Variants in ACTN2 observed in about 807,000 individuals in gnomAD.
The protein encoded by ACTN2 is alpha-actinin-2.
In ACTN2, 39 loss-of-function variants were observed where a neutral mutation model predicts 113.8. That is an observed-to-expected ratio of 0.34 (90% CI 0.27 to 0.45). ACTN2 has a LOEUF of 0.45. ACTN2 is among the 20% of genes least tolerant of loss of function. The pLI, the probability that ACTN2 is intolerant of heterozygous loss-of-function variation, is 1.00. For missense variants in ACTN2, 992 were observed against 1,177.9 expected (o/e 0.84, Z 2.31); for synonymous variants, 429 against 444.1 (o/e 0.97, Z 0.43).
intron 1 of ACTN2, among the ~76,000 whole-genome samples, chr1:236,697,304 C>T (rs1657535629): frequency 6.6e-6 from 1 of 151,978 alleles, no homozygotes; most frequent in South Asian, 2.1e-4. Context: ...CCAGCCTGGG[C>T]AACAGAGCAA....
At chr1:236,712,398 C>T (rs541547757) in intron 1 of ACTN2, among the ~76,000 whole-genome samples, 1 of 152,266 alleles carries the variant, frequency 6.6e-6, no homozygotes, top group South Asian at 2.1e-4. Flanking sequence ...TTAGTCACCA[C>T]CTTTGTTGAC....
Position 236,763,948 on chromosome 1 carries a change from A to G in ACTN2, c.*1329A>G, listed in dbSNP as rs1162660853. On this transcript the variant is annotated 3_prime_UTR_variant, in exon 21 of 21. Transcript: ENST00000366578. The stretch of plus-strand genomic sequence containing the variant: ...AGAATAAAGCAGGAATTCTTTTTAT[A>G]TCTGAGTCCTTAATGATCAGGAAAT... 1 of 152,196 alleles carries G rather than the reference A, an allele frequency of 6.6e-6. No homozygotes were observed. The highest frequency in any genetic ancestry group is 2.4e-5 in the African/African-American group (1 of 41,458). 9.4% of individuals were successfully genotyped at this position (152,196 alleles called of 1,614,324 possible).
intron 5 of ACTN2, among the ~76,000 whole-genome samples, chr1:236,726,513 A>G (rs544365559): frequency 6.6e-6 from 1 of 152,320 alleles, no homozygotes; most frequent in South Asian, 2.1e-4. Context: ...AATGAGATGA[A>G]TGAAATCTCG....
At chr1:236,732,050 C>T (rs1341124593) in intron 7 of ACTN2, among the ~76,000 whole-genome samples, 4 of 152,110 alleles carry the variant, frequency 2.6e-5, no homozygotes, top group African/African-American at 4.8e-5. Context: ...TTACTTTGTT[C>T]GTTATTGTAA....
chr1:236,716,670 A>G (rs1186107878), intron 1 of ACTN2, among the ~76,000 whole-genome samples: 1 of 151,830 alleles, frequency 6.6e-6, no homozygotes, highest in African/African-American at 2.4e-5. Context: ...TTTTTCAATG[A>G]TAGACTATAC....
chr1:236,732,445 A>ATTTTTTAT (rs1553301591), intron 7 of ACTN2, among the ~76,000 whole-genome samples: 3 of 147,656 alleles, frequency 2.0e-5, no homozygotes, highest in African/African-American at 7.5e-5. Context: ...TTTATTTTTT[A>ATTTTTTAT]TTTTTTATTT....
At chr1:236,695,507 T>C (rs1657463683) in intron 1 of ACTN2, among the ~76,000 whole-genome samples, 1 of 151,626 alleles carries the variant, frequency 6.6e-6, no homozygotes, top group South Asian at 2.1e-4. Flanking sequence ...TAATAAAATT[T>C]GTCACCATAT....
intron 11 of ACTN2, among the ~76,000 whole-genome samples, chr1:236,743,550 T>C (rs544704883): frequency 1.3e-4 from 20 of 151,652 alleles, no homozygotes; most frequent in African/African-American, 4.1e-4. Context: ...CCGGTTTCCA[T>C]AGACATAAGA....
chr1:236,749,327 A>G (rs1659328184), intron 14 of ACTN2, 63 bp downstream of exon 14: 1 of 1,600,524 alleles, frequency 6.2e-7, no homozygotes, highest in Admixed American at 1.7e-5. Context: ...TAAACTTAAG[A>G]GTCCTGTTAT....
intron 15 of ACTN2, 101 bp from the exon 16 acceptor site, chr1:236,753,846 T>TCCCC: frequency 7.7e-7 from 1 of 1,303,058 alleles, no homozygotes; most frequent in Non-Finnish European, 1.1e-6. Flanking sequence ...TTTCTCCTTC[T>TCCCC]CCACTCCCAC....
chr1:236,721,525 A>C (rs1323878529), intron 4 of ACTN2, among the ~76,000 whole-genome samples: 1 of 152,218 alleles, frequency 6.6e-6, no homozygotes, highest in Non-Finnish European at 1.5e-5. Context: ...ATTCAAGCTC[A>C]GGAATGACAG....
In ACTN2 at chr1:236,709,220, G is replaced by GTATATATA. The variant is rs758619189; in HGVS notation, c.127-8609_127-8602dup. Among the ~76,000 whole-genome samples the GTATATATA allele has an allele frequency of 5.3e-3, 352 of 66,774 alleles. 2 individuals carry two copies. The highest frequency in any genetic ancestry group is 0.015 in the East Asian group (38 of 2,520). The allele number at this position is 66,774 out of a possible 152,430, so 43.8% of individuals were successfully genotyped here. A position where few individuals can be genotyped will look rare whatever the true frequency, so the allele number is the denominator to read the frequency against. On this transcript the variant is annotated intron_variant, in intron 1 of 20. Transcript: ENST00000366578. ...ATAAAGCTGATCATGACAAATGACT[G>GTATATATA]TATATATATATATATATATATATAT...
intron 1 of ACTN2, among the ~76,000 whole-genome samples, chr1:236,699,424 G>C (rs1357401738): frequency 6.6e-6 from 1 of 152,176 alleles, no homozygotes; most frequent in East Asian, 1.9e-4. Flanking sequence ...AAAGTGGGAG[G>C]GAAGGGGCCA....
intron 13 of ACTN2, 183 bp downstream of exon 13, chr1:236,747,958 A>G (rs976687856): frequency 9.7e-6 from 6 of 616,174 alleles, no homozygotes; most frequent in Non-Finnish European, 1.7e-5. Flanking sequence ...TTTGTGCTGT[A>G]ATTTATCCAG....
intron 15 of ACTN2, 111 bp downstream of exon 15, chr1:236,751,763 A>C: frequency 7.5e-7 from 1 of 1,330,178 alleles, no homozygotes; most frequent in South Asian, 1.2e-5. Context: ...TTGCATCATG[A>C]TCAGGATTTT....
chr1:236,760,761 G>C (rs1043171971), intron 19 of ACTN2, among the ~76,000 whole-genome samples: 1 of 152,178 alleles, frequency 6.6e-6, no homozygotes, highest in Non-Finnish European at 1.5e-5. Context: ...GCCAGCAGTG[G>C]GTCCCAGAGA....
At position 236,755,126 on chromosome 1, in the gene ACTN2, G is replaced by C. The variant is rs748034053; in HGVS notation, c.2082G>C (p.Lys694Asn). The change falls in exon 17 of 21, where the codon AAG (lysine) becomes AAC (asparagine). Residue 694 changes from lysine to asparagine, a missense_variant. Physicochemically the swap from Lys to Asn is moderately conservative, Grantham distance 94 (BLOSUM62 0). Coordinates refer to ENST00000366578, the MANE Select transcript of ACTN2 (RefSeq NM_001103.4). ...NIINYKNNID[K>N]LEGDHQLIQE... is the part of the protein sequence containing the mutation. ...TCAACTATAAGAACAACATCGACAA[G>C]CTGGAGGGAGACCATCAGCTCATCC... The C allele has an allele frequency of 2.9e-5, 47 of 1,614,094 alleles. No homozygotes were observed. The Middle Eastern group carries it at 8.2e-4, about 28-fold the overall frequency.
At chr1:236,739,121 A>G (rs1393675133) in intron 9 of ACTN2, among the ~76,000 whole-genome samples, 181 bp from the exon 10 acceptor site, 1 of 151,882 alleles carries the variant, frequency 6.6e-6, no homozygotes. Flanking sequence ...TGGGGTGATC[A>G]CTCGCGGCCA....
At chr1:236,691,451 T>C (rs1666079922) in intron 1 of ACTN2, among the ~76,000 whole-genome samples, 1 of 151,826 alleles carries the variant, frequency 6.6e-6, no homozygotes, top group East Asian at 2.0e-4. Flanking sequence ...GAGACTGGCC[T>C]GGGCAACACA....
Sources: allele counts gnomAD v4.1 joint callset (sites outside exome capture counted in the v4.1 genomes callset), GRCh38; gene constraint gnomAD v4.1.1; transcripts MANE v1.5; gene names NCBI Gene and HGNC (gene_info 2026-07-23, HGNC 2026-07-21).